SUPT20H: variants seen among roughly 807,000 people sequenced by gnomAD.
The protein encoded by SUPT20H is transcription factor SPT20 homolog.
In SUPT20H, 82 loss-of-function variants were observed where a neutral mutation model predicts 122.8. The observed-to-expected ratio is 0.67, with a 90% CI of 0.56 to 0.80. SUPT20H has a LOEUF of 0.80. SUPT20H is among the 30% of genes least tolerant of loss of function. The probability of loss-of-function intolerance (pLI) is 0.00; values close to 1 mark genes in which losing one functional copy is unlikely to be tolerated. For synonymous variants in SUPT20H, 291 were observed against 313.0 expected (o/e 0.93, Z 0.74); for missense variants, 831 against 921.6 (o/e 0.90, Z 1.27).
At chr13:37,018,123 A>AT (rs1424349427) in intron 22 of SUPT20H, among the ~76,000 whole-genome samples, 3 of 151,938 alleles carry the variant, frequency 2.0e-5, no homozygotes, top group Non-Finnish European at 4.4e-5. Context: ...AAAAATAATA[A>AT]TAAAAAAAAA....
rs548802453 is a variant in SUPT20H, at chr13:37,051,084, C to T, written c.3+404G>A. 4.9e-4 allele frequency among the ~76,000 whole-genome samples: 74 copies of T among 152,230 alleles called. 1 individual carries two copies. The Middle Eastern group carries it at 0.01, about 21-fold the overall frequency. On this transcript the variant is annotated intron_variant, in intron 2 of 25. Transcript: ENST00000350612. ...ATTAGCACTGATGCTGCCTGAAATA[C>T]GTTATATGCAGTTAGCAGGTTACAT... is the stretch of plus-strand genomic sequence containing the variant.
intron 1 of SUPT20H, among the ~76,000 whole-genome samples, chr13:37,055,390 A>C (rs2068713364): frequency 6.6e-6 from 1 of 152,174 alleles, no homozygotes; most frequent in Non-Finnish European, 1.5e-5. Flanking sequence ...CATTAACCAA[A>C]ACAGCATGGT....
Position 37,024,192 on chromosome 13 carries a change from ACCT to A in SUPT20H, c.1433-2_1433del. On this transcript the variant is annotated splice_acceptor_variant and coding_sequence_variant, in exon 19 of 26. Coordinates refer to ENST00000350612, the MANE Select transcript of SUPT20H (RefSeq NM_001014286.3). LOFTEE classifies it high-confidence loss of function. ...TTGTCTGTTGTGGTGTAAAATAGTT[ACCT>A]AGAAGAACATAAAAGTTATTTCCTA... 9 of 1,603,186 alleles carry A rather than the reference ACCT, an allele frequency of 5.6e-6. No individual in the cohort carries two copies. Among genetic ancestry groups the A allele is most frequent in the Non-Finnish European group, 7.7e-6 (9 of 1,176,332 alleles).
At chr13:37,029,876 C>G (rs2062993141) in intron 12 of SUPT20H, 40 bp from the exon 13 acceptor site, 2 of 1,465,786 alleles carry the variant, frequency 1.4e-6, no homozygotes, top group African/African-American at 2.9e-5. Flanking sequence ...AAAATAGAAT[C>G]CATATCAGAT....
intron 15 of SUPT20H, 103 bp downstream of exon 15, chr13:37,026,687 T>C (rs2062344143): frequency 1.5e-6 from 1 of 687,212 alleles, no homozygotes; most frequent in Non-Finnish European, 2.3e-6. Flanking sequence ...AAAGTATACA[T>C]ATTTATCACT....
chr13:37,051,316 A>T (rs1283054498), intron 2 of SUPT20H, among the ~76,000 whole-genome samples, 172 bp downstream of exon 2: 1 of 152,184 alleles, frequency 6.6e-6, no homozygotes, highest in Non-Finnish European at 1.5e-5. Context: ...ATTAGTGAGC[A>T]ATATACTTTA....
intron 5 of SUPT20H, among the ~76,000 whole-genome samples, chr13:37,046,478 T>C (rs1158982636): frequency 6.6e-6 from 1 of 152,328 alleles, no homozygotes; most frequent in African/African-American, 2.4e-5. Flanking sequence ...TAGTTTGTGC[T>C]GCAATACTCA....
intron 1 of SUPT20H, among the ~76,000 whole-genome samples, chr13:37,055,326 A>T: frequency 2.3e-5 from 1 of 42,772 alleles, no homozygotes. Flanking sequence ...CCTAAGCCAA[A>T]AGACAAAGCT....
intron 22 of SUPT20H, among the ~76,000 whole-genome samples, chr13:37,017,594 A>G (rs181205968): frequency 6.6e-6 from 1 of 152,324 alleles, no homozygotes; most frequent in Admixed American, 6.5e-5. Flanking sequence ...TCTTAAACAT[A>G]AATTTTTCTG....
Position 37,018,721 on chromosome 13 carries a change from A to G in SUPT20H, c.1872+621T>C, listed in dbSNP as rs953242028. ...GCCTAGGCTGGAATGCAGTGGCACAATGTCAGCTCACTGCAGCCTCGACTT... is the reference window on the plus strand; with the variant it reads ...GCCTAGGCTGGAATGCAGTGGCACAGTGTCAGCTCACTGCAGCCTCGACTT... On this transcript the variant is annotated intron_variant, in intron 22 of 25. Transcript: ENST00000350612. 3.3e-5 allele frequency among the ~76,000 whole-genome samples: 5 copies of G among 152,256 alleles called. No individual in the cohort carries two copies. The East Asian group carries it at 7.7e-4, about 24-fold the overall frequency.
rs1860365063 is a variant in SUPT20H at position 37,053,604 on chromosome 13, T to C, written c.-93-2021A>G. Among the ~76,000 whole-genome samples, 4 of 151,686 alleles carry C rather than the reference T, an allele frequency of 2.6e-5. No individual in the cohort carries two copies. In the South Asian group the frequency reaches 8.3e-4, roughly 32 times the overall value. On this transcript the variant is annotated intron_variant, in intron 1 of 25. Transcript: ENST00000350612. Reference sequence around the variant, plus strand: ...GCTTAAAACCTAGATGACGGGTTGATAGGTACAGCAAACCACCATGGCACA... The same window carrying C: ...GCTTAAAACCTAGATGACGGGTTGACAGGTACAGCAAACCACCATGGCACA...
At chr13:37,015,595 A>G (rs1449106489) in intron 23 of SUPT20H, among the ~76,000 whole-genome samples, 1 of 152,176 alleles carries the variant, frequency 6.6e-6, no homozygotes, top group Non-Finnish European at 1.5e-5. Flanking sequence ...AATTAGGTAA[A>G]ATGGTACAGC....
chr13:37,023,825 T>C (rs2061759344), intron 19 of SUPT20H: 3 of 445,850 alleles, frequency 6.7e-6, no homozygotes, highest in African/African-American at 6.1e-5. Context: ...GCAGAATGTA[T>C]ACACAGATAC....
At chr13:37,038,749 A>G (rs1232171831) in intron 9 of SUPT20H, 2 of 152,238 alleles carry the variant, frequency 1.3e-5, no homozygotes, top group African/African-American at 4.8e-5. Context: ...CATAGGTTTC[A>G]AAACTTTTTG....
In SUPT20H at chr13:37,031,758, T is replaced by G; in HGVS notation, c.845A>C (p.Lys282Thr). The change falls in exon 11 of 26, where the codon AAA becomes ACA. Residue 282 changes from lysine (K) to threonine (T), a missense_variant. Transcript: ENST00000350612. ...ACTTACATTTCCTGCCTTAGAAATTTTGAGGTCATAATGCTGACCTGCTTT... is the reference window on the plus strand; with the variant it reads ...ACTTACATTTCCTGCCTTAGAAATTGTGAGGTCATAATGCTGACCTGCTTT... ...ERKAGQHYDLKISKAGNCVDM... is the reference protein window; with the variant it reads ...ERKAGQHYDLTISKAGNCVDM... The G allele has an allele frequency of 6.3e-7, 1 of 1,593,800 alleles. No homozygotes were observed. The highest frequency in any genetic ancestry group is 8.5e-7 in the Non-Finnish European group (1 of 1,174,266).
At chr13:37,015,720 AT>A (rs1303849410) in intron 23 of SUPT20H, among the ~76,000 whole-genome samples, 1 of 152,176 alleles carries the variant, frequency 6.6e-6, no homozygotes, top group Non-Finnish European at 1.5e-5. Flanking sequence ...CAAAGAGATA[AT>A]TGTACACTCA....
intron 10 of SUPT20H, 78 bp downstream of exon 10, chr13:37,033,371 G>A: frequency 6.5e-7 from 1 of 1,532,552 alleles, no homozygotes; most frequent in Non-Finnish European, 8.8e-7. Context: ...ACCATACCCT[G>A]GAGGGAAAAG....
rs377572185 is a variant in SUPT20H at position 37,024,027 on chromosome 13, T to C, written c.1591+8A>G. ...AAGATTTAATGAAGAATTTAAGTTATGACTCACTTTGTGATGAGCTGGCAG... is the reference window on the plus strand; with the variant it reads ...AAGATTTAATGAAGAATTTAAGTTACGACTCACTTTGTGATGAGCTGGCAG... On this transcript the variant is annotated splice_region_variant and intron_variant, in intron 19 of 25. Transcript: ENST00000350612. 1.3e-6 allele frequency: 2 copies of C among 1,595,574 alleles called. No homozygotes were observed. Among genetic ancestry groups the C allele is most frequent in the East Asian group, 2.2e-5 (1 of 44,554 alleles).
chr13:37,009,930 G>C (rs1276234143), intron 25 of SUPT20H, 121 bp from the exon 26 acceptor site: 1 of 1,367,780 alleles, frequency 7.3e-7, no homozygotes, highest in African/African-American at 1.5e-5. Flanking sequence ...ATAACAAAAA[G>C]GGACTATACC....
Sources: allele counts gnomAD v4.1 joint callset (sites outside exome capture counted in the v4.1 genomes callset), GRCh38; gene constraint gnomAD v4.1.1; transcripts MANE v1.5; gene names NCBI Gene and HGNC (gene_info 2026-07-23, HGNC 2026-07-21).